SLC24A2: variants seen among roughly 807,000 people sequenced by gnomAD.
SLC24A2 encodes the protein solute carrier family 24 member 2.
A neutral mutation model predicts 62.0 loss-of-function variants in SLC24A2; 36 were observed. That is an observed-to-expected ratio of 0.58 (90% CI 0.44 to 0.77). SLC24A2 has a LOEUF of 0.77. SLC24A2 is among the 30% of genes least tolerant of loss of function. The pLI is 0.00. For synonymous variants in SLC24A2, 358 were observed against 294.0 expected (o/e 1.22, Z -2.23); for missense variants, 846 against 817.9 (o/e 1.03, Z -0.42).
At chr9:20,084,482 C>T in the SLC24A2 span, among the ~76,000 whole-genome samples, 1 of 151,816 alleles carries the variant, frequency 6.6e-6, no homozygotes, top group South Asian at 2.1e-4. Context: ...CCTTTCCTTT[C>T]CTTCCCTCCC....
At chr9:19,996,350 G>A in the SLC24A2 span, among the ~76,000 whole-genome samples, 2 of 152,156 alleles carry the variant, frequency 1.3e-5, no homozygotes, top group Non-Finnish European at 2.9e-5. Flanking sequence ...ACCATATTTA[G>A]TCTCTAATAT....
At chr9:20,119,038 G>C in the SLC24A2 span, among the ~76,000 whole-genome samples, 3 of 152,166 alleles carry the variant, frequency 2.0e-5, no homozygotes, top group Non-Finnish European at 4.4e-5. Context: ...GCAAAGAATT[G>C]AGAGTGGTTT....
chr9:20,296,861 C>T, the SLC24A2 span, among the ~76,000 whole-genome samples: 1 of 152,182 alleles, frequency 6.6e-6, no homozygotes, highest in Non-Finnish European at 1.5e-5. Context: ...GTTGTTAGTA[C>T]ACCTGACTGT....
At chr9:19,885,126 T>C in the SLC24A2 span, among the ~76,000 whole-genome samples, 1 of 152,158 alleles carries the variant, frequency 6.6e-6, no homozygotes, top group Admixed American at 6.5e-5. Context: ...ACAGTGTCGC[T>C]GGGGACATAT....
chr9:19,714,736 G>A (rs960827371), intron 2 of SLC24A2, among the ~76,000 whole-genome samples: 3 of 152,134 alleles, frequency 2.0e-5, no homozygotes, highest in African/African-American at 7.2e-5. Context: ...TATCTATCAT[G>A]TCACAGTTAT....
chr9:20,300,113 G>C, the SLC24A2 span, among the ~76,000 whole-genome samples: 1 of 152,176 alleles, frequency 6.6e-6, no homozygotes, highest in Non-Finnish European at 1.5e-5. Context: ...TGGGCAGACA[G>C]ACTTTTTTAA....
chr9:19,543,583 C>T (rs923693930), intron 8 of SLC24A2, among the ~76,000 whole-genome samples: 1 of 151,852 alleles, frequency 6.6e-6, no homozygotes, highest in Non-Finnish European at 1.5e-5. Flanking sequence ...CTATAAATTT[C>T]CCTCTACACA....
the SLC24A2 span, among the ~76,000 whole-genome samples, chr9:20,292,632 A>G: frequency 6.6e-6 from 1 of 152,104 alleles, no homozygotes; most frequent in Non-Finnish European, 1.5e-5. Flanking sequence ...TTGGGATAGT[A>G]TCTCGTTCTG....
chr9:19,772,930 A>T (rs1255694673), intron 2 of SLC24A2, among the ~76,000 whole-genome samples: 1 of 152,216 alleles, frequency 6.6e-6, no homozygotes, highest in Non-Finnish European at 1.5e-5. Context: ...CCAAAATGTG[A>T]AAACAATCTA....
chr9:19,779,396 T>G (rs1338356237), intron 2 of SLC24A2, among the ~76,000 whole-genome samples: 1 of 152,250 alleles, frequency 6.6e-6, no homozygotes, highest in African/African-American at 2.4e-5. Context: ...GAGCAATGTT[T>G]ACATGGATGG....
At chr9:20,091,785 T>A in the SLC24A2 span, among the ~76,000 whole-genome samples, 3 of 152,064 alleles carry the variant, frequency 2.0e-5, no homozygotes, top group African/African-American at 7.2e-5. Flanking sequence ...AGTGACATTA[T>A]AAAGCAACCA....
At chr9:19,523,932 C>T (rs1833312917) in intron 9 of SLC24A2, among the ~76,000 whole-genome samples, 2 of 152,044 alleles carry the variant, frequency 1.3e-5, no homozygotes, top group Admixed American at 1.3e-4. Flanking sequence ...ATCTGTGTGG[C>T]TCTAGAAAGC....
intron 10 of SLC24A2, among the ~76,000 whole-genome samples, chr9:19,520,113 T>C (rs764438922): frequency 2.0e-5 from 3 of 152,172 alleles, no homozygotes; most frequent in Non-Finnish European, 2.9e-5. Flanking sequence ...GAACAATATT[T>C]AAGATATTCA....
the SLC24A2 span, among the ~76,000 whole-genome samples, chr9:20,246,645 G>C: frequency 6.6e-6 from 1 of 152,224 alleles, no homozygotes; most frequent in Non-Finnish European, 1.5e-5. Flanking sequence ...CTCAAGAAAA[G>C]AGGGAAAAAA....
the SLC24A2 span, among the ~76,000 whole-genome samples, chr9:20,027,916 T>G: frequency 6.6e-6 from 1 of 152,346 alleles, no homozygotes; most frequent in South Asian, 2.1e-4. Flanking sequence ...TGTCAATTTT[T>G]TTTTAAATGG....
At chr9:20,168,942 A>T in the SLC24A2 span, among the ~76,000 whole-genome samples, 1 of 152,094 alleles carries the variant, frequency 6.6e-6, no homozygotes, top group East Asian at 1.9e-4. Context: ...CCAAAGATGT[A>T]AACAACCCAA....
chr9:20,205,421 G>A, the SLC24A2 span, among the ~76,000 whole-genome samples: 1 of 152,006 alleles, frequency 6.6e-6, no homozygotes, highest in South Asian at 2.1e-4. Flanking sequence ...GGCCGAGGCA[G>A]GCGGATTACA....
the SLC24A2 span, among the ~76,000 whole-genome samples, chr9:20,040,488 G>A: frequency 6.6e-6 from 1 of 152,162 alleles, no homozygotes; most frequent in Non-Finnish European, 1.5e-5. Context: ...ATACCAGAGG[G>A]TCTTGCTGGC....
intron 2 of SLC24A2, among the ~76,000 whole-genome samples, chr9:19,712,522 G>A (rs1820743757): frequency 6.6e-6 from 1 of 152,170 alleles, no homozygotes; most frequent in African/African-American, 2.4e-5. Context: ...TAGGAGCTTA[G>A]TAAAGAGGGA....
Sources: allele counts gnomAD v4.1 joint callset (sites outside exome capture counted in the v4.1 genomes callset), GRCh38; gene constraint gnomAD v4.1.1; transcripts MANE v1.5; gene names NCBI Gene and HGNC (gene_info 2026-07-23, HGNC 2026-07-21).